MTRFR: variants seen among roughly 807,000 people sequenced by gnomAD.
MTRFR encodes mitochondrial translation release factor in rescue.
Under a neutral mutation model 11.9 loss-of-function variants are expected in MTRFR, and 10 were observed. That is an observed-to-expected ratio of 0.84 (90% CI 0.52 to 1.42). The LOEUF is 1.42. Ranked by LOEUF, MTRFR falls within the 40% of genes most tolerant of loss-of-function variation. The pLI is 0.00. For synonymous variants in MTRFR, 77 were observed against 79.1 expected, an observed-to-expected ratio of 0.97 and a Z score of 0.14; for missense variants, 196 against 197.9, an observed-to-expected ratio of 0.99 and a Z score of 0.06.
chr12:123,244,984 CCAGGCAAGAGTG>C (rs1474535110), intron 1 of MTRFR, among the ~76,000 whole-genome samples: 2 of 121,930 alleles, frequency 1.6e-5, no homozygotes, highest in Non-Finnish European at 3.2e-5. Context: ...CTCTTGTCAC[CCAGGCAAGAGTG>C]CAGGCAAGCT....
intron 1 of MTRFR, among the ~76,000 whole-genome samples, chr12:123,237,670 CACTT>C (rs906707307): frequency 1.5e-4 from 23 of 152,282 alleles, no homozygotes; most frequent in African/African-American, 5.5e-4. Flanking sequence ...TATCTGCAAA[CACTT>C]ACTGTGAGTG....
chr12:123,239,410 G>GTTTTTTTGTTTT (rs80347690), intron 1 of MTRFR, among the ~76,000 whole-genome samples: 2 of 145,820 alleles, frequency 1.4e-5, no homozygotes, highest in East Asian at 2.1e-4. Context: ...TTGTTTTTTT[G>GTTTTTTTGTTTT]TTTGTTTTTT....
intron 1 of MTRFR, among the ~76,000 whole-genome samples, chr12:123,241,780 G>A (rs760746061): frequency 6.6e-6 from 1 of 152,240 alleles, no homozygotes; most frequent in Non-Finnish European, 1.5e-5. Context: ...CACAGGCCTT[G>A]TTGCAGAGTT....
chr12:123,239,871 G>A (rs565990760), intron 1 of MTRFR, among the ~76,000 whole-genome samples: 38 of 152,052 alleles, frequency 2.5e-4, no homozygotes, highest in African/African-American at 8.4e-4. Context: ...TTCTTGGGAC[G>A]ATTTCCTTGC....
chr12:123,247,250 A>G (rs1217676390), intron 1 of MTRFR, among the ~76,000 whole-genome samples: 1 of 152,088 alleles, frequency 6.6e-6, no homozygotes, highest in Non-Finnish European at 1.5e-5. Flanking sequence ...TCAGTGGAGT[A>G]CTGAAGTCCC....
At chr12:123,253,992 G>A (rs370094415) in intron 2 of MTRFR, 36 bp downstream of exon 2, 26 of 1,610,196 alleles carry the variant, frequency 1.6e-5, no homozygotes, top group East Asian at 4.5e-5. Flanking sequence ...GAGAGGCCCC[G>A]CCCAAGGGTT....
At chr12:123,235,333 C>A (rs10772997) in intron 1 of MTRFR, among the ~76,000 whole-genome samples, 89,728 of 151,902 alleles carry the variant, frequency 0.59, 30,769 homozygotes, top group Non-Finnish European at 0.75. Context: ...GGCAGGAAGG[C>A]CTTTTTGGGA....
At chr12:123,253,998 G>C (rs952202651) in intron 2 of MTRFR, 42 bp downstream of exon 2, 2 of 1,608,350 alleles carry the variant, frequency 1.2e-6, no homozygotes, top group African/African-American at 2.7e-5. Flanking sequence ...CCCCGCCCAA[G>C]GGTTCCACAG....
chr12:123,247,944 CAAAA>C (rs1201161319), intron 1 of MTRFR, among the ~76,000 whole-genome samples: 4 of 142,738 alleles, frequency 2.8e-5, no homozygotes, highest in Admixed American at 7.0e-5. Context: ...GACTCTGTCT[CAAAA>C]AAAAAAAGAA....
intron 2 of MTRFR, chr12:123,254,279 A>G (rs550871444): frequency 3.1e-6 from 1 of 325,244 alleles, no homozygotes; most frequent in South Asian, 4.0e-5. Flanking sequence ...GACAAAGCTA[A>G]GCAGTGGCTG....
chr12:123,248,011 T>C lies in MTRFR; in HGVS notation c.-28-5636T>C, dbSNP rs973625648. ...TGTGCTCTTTGTTGCCTGTGTACTT[T>C]AGGGGTTTTTTGGTTTTGCTTTTTA... On this transcript the variant is annotated intron_variant, in intron 1 of 2. Transcript: ENST00000253233. 1.1e-4 allele frequency among the ~76,000 whole-genome samples: 16 copies of C among 152,176 alleles called. No homozygotes were observed. In the East Asian group the frequency reaches 1.2e-3, roughly 11 times the overall value.
intron 1 of MTRFR, chr12:123,253,368 G>A (rs2048139757): frequency 2.7e-6 from 1 of 372,970 alleles, no homozygotes; most frequent in South Asian, 2.2e-5. Context: ...TCTCCTTTCT[G>A]AGAAAACAGC....
chr12:123,246,871 C>G (rs2048050676), intron 1 of MTRFR, among the ~76,000 whole-genome samples: 2 of 151,776 alleles, frequency 1.3e-5, no homozygotes, highest in Admixed American at 6.6e-5. Flanking sequence ...GCTGGGACTA[C>G]AGGCACACAC....
chr12:123,256,713 GTAAA>G, intron 2 of MTRFR, 96 bp from the exon 3 acceptor site: 1 of 919,120 alleles, frequency 1.1e-6, no homozygotes, highest in African/African-American at 1.7e-5. Context: ...TAAATAAATA[GTAAA>G]TAAAAAAGCG....
intron 1 of MTRFR, among the ~76,000 whole-genome samples, chr12:123,234,405 G>T (rs1197130935): frequency 1.3e-5 from 2 of 151,662 alleles, no homozygotes; most frequent in Admixed American, 6.6e-5. Flanking sequence ...GTGGGGGAGG[G>T]GGGTAGGGGG....
At position 123,244,780 on chromosome 12, in the gene MTRFR, G is replaced by A. The variant is rs1010473240; in HGVS notation, c.-28-8867G>A. 5.3e-5 allele frequency among the ~76,000 whole-genome samples: 8 copies of A among 150,076 alleles called. No individual in the cohort carries two copies. In the East Asian group the frequency reaches 9.9e-4, roughly 19 times the overall value. Reference sequence around the variant, plus strand: ...CCCAAGTAGCTGGGATTACAGGTGCGTGCCAACACACCTGGCTAATTTTTG... The same window carrying A: ...CCCAAGTAGCTGGGATTACAGGTGCATGCCAACACACCTGGCTAATTTTTG... On this transcript the variant is annotated intron_variant, in intron 1 of 2. Transcript: ENST00000253233.
rs1593290595 is a variant in MTRFR, at chr12:123,257,399, C to T, written c.*368C>T. On this transcript the variant is annotated 3_prime_UTR_variant, in exon 3 of 3. Transcript: ENST00000253233. ...GGCATGGTGGCGGGCACCTGTAATC[C>T]CAGCTACTCGGGAGGCCGAGGCAGG... is the stretch of plus-strand genomic sequence containing the variant. The T allele has an allele frequency of 8.8e-6, 2 of 226,274 alleles. No homozygotes were observed. Among genetic ancestry groups the T allele is most frequent in the East Asian group, 1.2e-4 (1 of 8,214 alleles). The allele number at this position is 226,274 out of a possible 1,614,324, so 14.0% of individuals were successfully genotyped here.
At chr12:123,252,785 T>C (rs2048129733) in intron 1 of MTRFR, among the ~76,000 whole-genome samples, 2 of 151,630 alleles carry the variant, frequency 1.3e-5, no homozygotes, top group African/African-American at 4.8e-5. Context: ...ATTAGCCGGG[T>C]GTGGTGGCAC....
In MTRFR at chr12:123,240,209, CAAAAAAA is replaced by C. The variant is rs55859746; in HGVS notation, c.-29+6690_-29+6696del. Reference sequence around the variant, plus strand: ...TGAAACCCCATCTCTATTAAAAATACAAAAAAAAAAAAAAAAAAGCTGGACGTGGTGG... The same window carrying C: ...TGAAACCCCATCTCTATTAAAAATACAAAAAAAAAAAGCTGGACGTGGTGG... On this transcript the variant is annotated intron_variant, in intron 1 of 2. Coordinates refer to ENST00000253233, the MANE Select transcript of MTRFR (RefSeq NM_152269.5). Among the ~76,000 whole-genome samples the C allele has an allele frequency of 2.4e-4, 33 of 135,054 alleles. 1 individual carries two copies. In the East Asian group the frequency reaches 6.5e-3, roughly 27 times the overall value. The allele number at this position is 135,054 out of a possible 152,430, so 88.6% of individuals were successfully genotyped here. A position where few individuals can be genotyped will look rare whatever the true frequency, so the allele number is the denominator to read the frequency against.
Sources: gnomAD v4.1 joint callset for allele counts (sites outside exome capture counted in the v4.1 genomes callset) on GRCh38, gnomAD v4.1.1 for gene constraint, MANE v1.5 for transcripts, NCBI Gene and HGNC (gene_info 2026-07-23, HGNC 2026-07-21) for gene names.